Variants in GADL1 observed in about 807,000 individuals in gnomAD.
The protein encoded by GADL1 is acidic amino acid decarboxylase GADL1.
A neutral mutation model predicts 69.5 loss-of-function variants in GADL1; 71 were observed. That is an observed-to-expected ratio of 1.02 (90% CI 0.84 to 1.25). GADL1 has a LOEUF of 1.25. Ranked by LOEUF, GADL1 falls within the 50% of genes most tolerant of loss-of-function variation. The probability of loss-of-function intolerance (pLI) is 0.00; values close to 1 mark genes in which losing one functional copy is unlikely to be tolerated. For missense variants in GADL1, 737 were observed against 631.8 expected (o/e 1.17, Z -1.79); for synonymous variants, 254 against 214.4 (o/e 1.18, Z -1.62).
intron 1 of GADL1, among the ~76,000 whole-genome samples, chr3:30,875,428 T>G (rs764193060): frequency 6.6e-6 from 1 of 151,882 alleles, no homozygotes; most frequent in Non-Finnish European, 1.5e-5. Flanking sequence ...GAATTAGGCT[T>G]GAAGTCCAGA....
At chr3:30,885,434 T>G (rs1168027801) in intron 1 of GADL1, among the ~76,000 whole-genome samples, 1 of 152,076 alleles carries the variant, frequency 6.6e-6, no homozygotes, top group East Asian at 1.9e-4. Context: ...CTAAAAAGCC[T>G]GGCCTAAAGT....
At chr3:30,813,740 A>G (rs1185899374) in intron 11 of GADL1, among the ~76,000 whole-genome samples, 1 of 152,242 alleles carries the variant, frequency 6.6e-6, no homozygotes, top group Non-Finnish European at 1.5e-5. Context: ...TCGTCTTTGT[A>G]TAAATCCCAT....
rs1010205282 is a variant in GADL1 at position 30,871,079 on chromosome 3, G to GTGTGTGTGTC, written c.38-9315_38-9314insGACACACACA. Among the ~76,000 whole-genome samples the GTGTGTGTGTC allele has an allele frequency of 1.5e-4, 22 of 149,686 alleles. 1 individual carries two copies. In the East Asian group the frequency reaches 2.0e-3, roughly 13 times the overall value. On this transcript the variant is annotated intron_variant, in intron 1 of 14. Transcript: ENST00000282538. ...TGTGTGTGTGTGTGTGTGTGTGTGT[G>GTGTGTGTGTC]TCCAAGAAACTCAAGTACTTCTGTT...
chr3:30,737,018 T>C (rs1317248430), intron 14 of GADL1, among the ~76,000 whole-genome samples: 6 of 152,216 alleles, frequency 3.9e-5, no homozygotes, highest in Admixed American at 3.3e-4. Flanking sequence ...TTGTGCTTTC[T>C]TGTCACTTAT....
At chr3:30,846,410 C>A (rs1698058768) in intron 6 of GADL1, among the ~76,000 whole-genome samples, 1 of 152,174 alleles carries the variant, frequency 6.6e-6, no homozygotes, top group Non-Finnish European at 1.5e-5. Flanking sequence ...GTTTTACTTT[C>A]TGGCTCCCAC....
At chr3:30,853,088 GT>G (rs964818772) in intron 4 of GADL1, among the ~76,000 whole-genome samples, 5 of 151,988 alleles carry the variant, frequency 3.3e-5, no homozygotes, top group South Asian at 4.2e-4. Context: ...CTAGCCTTTT[GT>G]TTTTTTCCTT....
chr3:30,872,598 T>C (rs572718632), intron 1 of GADL1, among the ~76,000 whole-genome samples: 1 of 152,068 alleles, frequency 6.6e-6, no homozygotes, highest in East Asian at 1.9e-4. Flanking sequence ...AGAACCACCC[T>C]TCCCCTAGGA....
chr3:30,764,010 A>C (rs1178649560), intron 14 of GADL1, among the ~76,000 whole-genome samples: 1 of 152,128 alleles, frequency 6.6e-6, no homozygotes, highest in African/African-American at 2.4e-5. Context: ...CTACTAAACA[A>C]ACCTCAAATC....
chr3:30,883,423 G>A (rs1446348966), intron 1 of GADL1, among the ~76,000 whole-genome samples: 3 of 151,910 alleles, frequency 2.0e-5, no homozygotes, highest in African/African-American at 7.3e-5. Flanking sequence ...TCCATAGAGT[G>A]GTCTTCTAGC....
At chr3:30,841,013 A>AGGT (rs1292401738) in intron 8 of GADL1, among the ~76,000 whole-genome samples, 1 of 152,222 alleles carries the variant, frequency 6.6e-6, no homozygotes, top group Non-Finnish European at 1.5e-5. Context: ...CATCAAGACA[A>AGGT]GGTCACTGCA....
At chr3:30,890,845 A>T (rs1019662898) in intron 1 of GADL1, among the ~76,000 whole-genome samples, 2 of 152,232 alleles carry the variant, frequency 1.3e-5, no homozygotes, top group African/African-American at 4.8e-5. Context: ...TTTTCTGAAC[A>T]TAATAAGTCT....
At chr3:30,761,136 T>C (rs954963005) in intron 14 of GADL1, among the ~76,000 whole-genome samples, 3 of 152,182 alleles carry the variant, frequency 2.0e-5, no homozygotes, top group African/African-American at 4.8e-5. Context: ...TGGACGTAAA[T>C]CTTTATATTG....
At chr3:30,873,547 T>A (rs766089524) in intron 1 of GADL1, among the ~76,000 whole-genome samples, 4 of 151,812 alleles carry the variant, frequency 2.6e-5, no homozygotes, top group Non-Finnish European at 4.4e-5. Flanking sequence ...ACTAAACTAT[T>A]TGGATACATT....
In GADL1 at chr3:30,727,432, A is replaced by ATG. The variant is rs1414168716; in HGVS notation, c.*809_*810insCA. 1 of 149,344 alleles carries ATG rather than the reference A, an allele frequency of 6.7e-6. No homozygotes were observed. Among genetic ancestry groups the ATG allele is most frequent in the African/African-American group, 2.4e-5 (1 of 40,928 alleles). The allele number at this position is 149,344 out of a possible 1,614,324, so 9.3% of individuals were successfully genotyped here. Reference sequence around the variant, plus strand: ...TATATGTGTGTGTGTGTATATATATATATATATATAATTTTAACTTTTGAG... The same window carrying ATG: ...TATATGTGTGTGTGTGTATATATATATGTATATATATAATTTTAACTTTTGAG... On this transcript the variant is annotated 3_prime_UTR_variant, in exon 15 of 15. Transcript: ENST00000282538.
intron 11 of GADL1, among the ~76,000 whole-genome samples, chr3:30,830,977 T>C (rs1697779395): frequency 7.2e-6 from 1 of 138,748 alleles, no homozygotes; most frequent in African/African-American, 2.9e-5. Flanking sequence ...TAATAATTGA[T>C]AATTGAGCCC....
intron 11 of GADL1, among the ~76,000 whole-genome samples, chr3:30,810,359 A>T (rs764667679): frequency 6.6e-6 from 1 of 152,202 alleles, no homozygotes; most frequent in East Asian, 1.9e-4. Context: ...AATTCATGAG[A>T]CTATGAAAGA....
intron 14 of GADL1, among the ~76,000 whole-genome samples, chr3:30,746,837 A>G (rs1695710131): frequency 6.6e-6 from 1 of 152,158 alleles, no homozygotes; most frequent in Admixed American, 6.5e-5. Flanking sequence ...CTACAAAATT[A>G]TTGTCTATAA....
intron 13 of GADL1, among the ~76,000 whole-genome samples, chr3:30,780,884 CTT>C (rs1213508129): frequency 6.6e-6 from 1 of 152,152 alleles, no homozygotes; most frequent in East Asian, 1.9e-4. Flanking sequence ...TTGAAAAAGT[CTT>C]TGAATTTTTG....
At position 30,854,767 on chromosome 3, in the gene GADL1, T is replaced by C; in HGVS notation, c.360A>G (p.Gln120=). 3 of 1,548,696 alleles carry C rather than the reference T, an allele frequency of 1.9e-6. No homozygotes were observed. The highest frequency in any genetic ancestry group is 1.2e-5 in the South Asian group (1 of 83,764). ...VKTNHPRFFN[Q]LYAGLDYYSL... is the part of the protein sequence containing the mutation. Reference sequence around the variant, plus strand: ...AGTAATAATCAAGTCCAGCATACAATTGGTTGAAAAATCTTGGGTGGTCTG... The same window carrying C: ...AGTAATAATCAAGTCCAGCATACAACTGGTTGAAAAATCTTGGGTGGTCTG... The change falls in exon 4 of 15, where the codon CAA becomes CAG. Residue 120 remains glutamine (Q), a synonymous_variant. Coordinates refer to ENST00000282538, the MANE Select transcript of GADL1 (RefSeq NM_207359.3).
Sources: gnomAD v4.1 joint callset for allele counts (sites outside exome capture counted in the v4.1 genomes callset) on GRCh38, gnomAD v4.1.1 for gene constraint, MANE v1.5 for transcripts, NCBI Gene and HGNC (gene_info 2026-07-23, HGNC 2026-07-21) for gene names.